COL4A6: variants seen among roughly 807,000 people sequenced by gnomAD.
The protein encoded by COL4A6 is collagen alpha-6(IV) chain.
Under a neutral mutation model 126.7 loss-of-function variants are expected in COL4A6, and 59 were observed. That is an observed-to-expected ratio of 0.47 (90% CI 0.38 to 0.58). COL4A6 has a LOEUF of 0.58. Among genes scored for constraint, COL4A6 ranks in the 20% least tolerant of loss-of-function variants. COL4A6 has a pLI of 0.00. For synonymous variants in COL4A6, 547 were observed against 496.6 expected (o/e 1.10, Z -1.35); for missense variants, 1,285 against 1,337.3 (o/e 0.96, Z 0.61).
At chrX:108,221,483 C>T in intron 3 of COL4A6, 109 bp from the exon 4 acceptor site, 7 of 933,690 alleles carry the variant, frequency 7.5e-6, no homozygotes, top group South Asian at 2.6e-5. Flanking sequence ...ATAATTTTGG[C>T]TAAGAGATCT....
intron 2 of COL4A6, among the ~76,000 whole-genome samples, chrX:108,416,302 T>A (rs1271465029): frequency 8.9e-6 from 1 of 111,887 alleles, no homozygotes; most frequent in Non-Finnish European, 1.9e-5. Context: ...GCAAGCAGTG[T>A]ATGCTGAAAA....
intron 18 of COL4A6, among the ~76,000 whole-genome samples, chrX:108,192,166 G>A (rs2035062753): frequency 8.9e-6 from 1 of 111,934 alleles, no homozygotes; most frequent in Non-Finnish European, 1.9e-5. Context: ...ATCCACAGGA[G>A]GGTGACACAG....
At chrX:108,168,115 C>T (rs188869424) in intron 37 of COL4A6, among the ~76,000 whole-genome samples, 14 of 112,558 alleles carry the variant, frequency 1.2e-4, no homozygotes, top group African/African-American at 1.3e-4. Flanking sequence ...ATGTATCCTT[C>T]TTGACCTGTG....
At chrX:108,282,402 T>A (rs1404990929) in intron 3 of COL4A6, among the ~76,000 whole-genome samples, 1 of 110,942 alleles carries the variant, frequency 9.0e-6, no homozygotes, top group Non-Finnish European at 1.9e-5. Flanking sequence ...AAAAGTGCTC[T>A]TCATCACTGG....
At chrX:108,359,165 C>A (rs2040025721) in intron 2 of COL4A6, among the ~76,000 whole-genome samples, 1 of 112,372 alleles carries the variant, frequency 8.9e-6, no homozygotes, top group Non-Finnish European at 1.9e-5. Context: ...TCCTTCTCCA[C>A]CTCGTAAAAA....
chrX:108,255,359 G>C (rs1199014406), intron 3 of COL4A6, among the ~76,000 whole-genome samples: 1 of 110,125 alleles, frequency 9.1e-6, no homozygotes, highest in Admixed American at 9.7e-5. Context: ...CCACACTTTA[G>C]TAACTTTAAA....
chrX:108,362,995 T>G (rs767986573), intron 2 of COL4A6, among the ~76,000 whole-genome samples: 3 of 112,150 alleles, frequency 2.7e-5, no homozygotes, highest in African/African-American at 9.7e-5. Flanking sequence ...GACAATGAAG[T>G]CTCCTGGTCT....
intron 2 of COL4A6, among the ~76,000 whole-genome samples, chrX:108,408,957 G>A (rs916731220): frequency 1.8e-5 from 2 of 111,955 alleles, no homozygotes; most frequent in African/African-American, 6.5e-5. Context: ...GCGACACTCT[G>A]TCTCAAAAAA....
At chrX:108,165,990 C>G (rs2034118181) in intron 37 of COL4A6, among the ~76,000 whole-genome samples, 1 of 112,609 alleles carries the variant, frequency 8.9e-6, no homozygotes, top group African/African-American at 3.2e-5. Flanking sequence ...GCCTCTGTGT[C>G]TTCTAGGGCT....
In COL4A6 at chrX:108,388,199, A is replaced by G. The variant is rs186288012; in HGVS notation, c.63+49743T>C. ...TTTCTTTTTTTGTTGTGTCTCCGCC[A>G]GGTTTTGGTATCAGGACAATGTTGG... On this transcript the variant is annotated intron_variant, in intron 2 of 44. Transcript: ENST00000334504. Among the ~76,000 whole-genome samples the G allele has an allele frequency of 9.9e-5, 11 of 111,545 alleles. No homozygotes were observed. In the East Asian group the frequency reaches 3.1e-3, roughly 31 times the overall value.
At chrX:108,350,894 T>C (rs998655723) in intron 2 of COL4A6, among the ~76,000 whole-genome samples, 6 of 111,617 alleles carry the variant, frequency 5.4e-5, no homozygotes, top group African/African-American at 1.3e-4. Context: ...TAGTTGACCG[T>C]CAAAATCGAA....
intron 11 of COL4A6, 66 bp from the exon 12 acceptor site, chrX:108,204,478 T>A: frequency 1.0e-6 from 1 of 954,532 alleles, no homozygotes. Flanking sequence ...AGAGTGGGGG[T>A]TTGTCCTCTG....
intron 31 of COL4A6, among the ~76,000 whole-genome samples, chrX:108,173,122 C>T (rs1197964436): frequency 8.9e-6 from 1 of 112,510 alleles, no homozygotes; most frequent in Non-Finnish European, 1.9e-5. Context: ...GCCATGTCAG[C>T]TGCCATCAGC....
intron 6 of COL4A6, 134 bp downstream of exon 6, chrX:108,213,978 T>C (rs1478970956): frequency 3.8e-6 from 2 of 526,990 alleles, no homozygotes; most frequent in Non-Finnish European, 3.3e-6. Context: ...GCTGCCAGTA[T>C]TGACTCCTAC....
intron 3 of COL4A6, among the ~76,000 whole-genome samples, chrX:108,278,706 T>G (rs11092605): frequency 0.25 from 26,649 of 105,765 alleles, 3,112 homozygotes; most frequent in East Asian, 0.59. Context: ...TCACCAAAGT[T>G]GAAATGAAGG....
chrX:108,265,569 A>T lies in COL4A6; in HGVS notation c.145-44195T>A, dbSNP rs368546241. ...GGTCTAATACAAGGGTAACTTTTAC[A>T]GTAAGTCATATTCAAGTTGTGAACT... is the stretch of plus-strand genomic sequence containing the variant. On this transcript the variant is annotated intron_variant, in intron 3 of 44. Coordinates refer to ENST00000334504, the MANE Select transcript of COL4A6 (RefSeq NM_033641.4). 4.5e-5 allele frequency among the ~76,000 whole-genome samples: 5 copies of T among 111,090 alleles called. No homozygotes were observed. The East Asian group carries it at 1.1e-3, about 25-fold the overall frequency.
At chrX:108,339,520 T>C (rs913408267) in intron 2 of COL4A6, among the ~76,000 whole-genome samples, 1 of 111,595 alleles carries the variant, frequency 9.0e-6, no homozygotes, top group Non-Finnish European at 1.9e-5. Context: ...TTGATAGCTA[T>C]ATGTTGTGGG....
intron 2 of COL4A6, among the ~76,000 whole-genome samples, chrX:108,313,943 A>T (rs1419326131): frequency 1.8e-5 from 2 of 111,972 alleles, no homozygotes; most frequent in African/African-American, 6.5e-5. Flanking sequence ...CATGGTGATG[A>T]TCGTGGGTGG....
At chrX:108,242,110 C>T (rs773292929) in intron 3 of COL4A6, among the ~76,000 whole-genome samples, 123 of 109,134 alleles carry the variant, frequency 1.1e-3, no homozygotes, top group Non-Finnish European at 2.1e-3. Flanking sequence ...ATTACAGGTG[C>T]AAGCCACTGT....
Sources: gnomAD v4.1 joint callset for allele counts (sites outside exome capture counted in the v4.1 genomes callset) on GRCh38, gnomAD v4.1.1 for gene constraint, MANE v1.5 for transcripts, NCBI Gene and HGNC (gene_info 2026-07-23, HGNC 2026-07-21) for gene names.